Variants in OLFM1 observed in about 807,000 individuals in gnomAD.
OLFM1 encodes noelin.
OLFM1 carries 9 observed loss-of-function variants against 49.7 expected under a neutral mutation model. That is an observed-to-expected ratio of 0.18 (90% CI 0.11 to 0.32). The LOEUF (loss-of-function observed/expected upper bound fraction) is 0.32. Ranked by LOEUF, OLFM1 falls within the 10% of genes least tolerant of loss-of-function variation. The pLI, the probability that OLFM1 is intolerant of heterozygous loss-of-function variation, is 1.00. For synonymous variants in OLFM1, 240 were observed against 271.8 expected, an observed-to-expected ratio of 0.88 and a Z score of 1.15; for missense variants, 369 against 661.8, an observed-to-expected ratio of 0.56 and a Z score of 4.85.
intron 4 of OLFM1, among the ~76,000 whole-genome samples, chr9:135,099,040 G>T (rs1588213034): frequency 6.6e-6 from 1 of 152,282 alleles, no homozygotes; most frequent in South Asian, 2.1e-4. Flanking sequence ...CCCTTCCTCG[G>T]GTGTGTTTCC....
Position 135,087,999 on chromosome 9 carries a change from C to T in OLFM1, c.10C>T (p.Pro4Ser). The T allele has an allele frequency of 6.9e-7, 1 of 1,451,616 alleles. No homozygotes were observed. The highest frequency in any genetic ancestry group is 9.1e-7 in the Non-Finnish European group (1 of 1,093,162). 89.9% of individuals were successfully genotyped at this position (1,451,616 alleles called of 1,614,324 possible). A position where few individuals can be genotyped will look rare whatever the true frequency, so the allele number is the denominator to read the frequency against. Reference protein sequence around the residue: MSVPLLKIGVVLST... With the variant: MSVSLLKIGVVLST... ...GGCAGCTCGAGGCGCGATGTCGGTG[C>T]CGCTGCTCAAGATCGGGGTCGTGCT... The change falls in exon 1 of 6, where the codon CCG becomes TCG. Residue 4 changes from proline to serine, a missense_variant. Pro to Ser is a moderately conservative substitution (Grantham distance 74, BLOSUM62 -1). Transcript: ENST00000371793.
intron 5 of OLFM1, among the ~76,000 whole-genome samples, chr9:135,110,646 G>A (rs59397207): frequency 0.034 from 5,205 of 152,222 alleles, 209 homozygotes; most frequent in African/African-American, 0.099. Flanking sequence ...GCCCCTTCCA[G>A]TCACTTCTCA....
chr9:135,083,603 C>T (rs891111435), upstream of OLFM1, among the ~76,000 whole-genome samples: 2 of 152,164 alleles, frequency 1.3e-5, no homozygotes, highest in South Asian at 2.1e-4. Context: ...GGGGGAAGGA[C>T]GATACCTCGG....
Position 135,098,182 on chromosome 9 carries a change from C to G in OLFM1, c.457-104C>G. ...AGAACAAATAAGCCTGTAAATAAAG[C>G]GGGAATATACACACTTTCCCTCACC... On this transcript the variant is annotated intron_variant, in intron 3 of 5. Coordinates refer to ENST00000371793, the MANE Select transcript of OLFM1 (RefSeq NM_001282611.2). The surrounding 1 kb of genome is among the most constrained non-coding windows in gnomAD (Gnocchi z 5.6). 6.8e-7 allele frequency: 1 copy of G among 1,468,962 alleles called. No individual in the cohort carries two copies. The highest frequency in any genetic ancestry group is 9.1e-7 in the Non-Finnish European group (1 of 1,100,710). The allele number at this position is 1,468,962 out of a possible 1,614,324, so 91.0% of individuals were successfully genotyped here.
intron 2 of OLFM1, among the ~76,000 whole-genome samples, chr9:135,093,291 C>T (rs1830740548): frequency 1.3e-5 from 2 of 152,210 alleles, no homozygotes. Context: ...GCTCCGTTCT[C>T]TTTGAAGAAG....
chr9:135,101,185 G>A lies in OLFM1; in HGVS notation c.676+2680G>A, dbSNP rs563973997. On this transcript the variant is annotated intron_variant, in intron 4 of 5. Transcript: ENST00000371793. Reference sequence around the variant, plus strand: ...CAAGGTGGAGCCGGCACCCGCTGCCGGCCGTCCTGGGTGGTGAGGGCTTCT... The same window carrying A: ...CAAGGTGGAGCCGGCACCCGCTGCCAGCCGTCCTGGGTGGTGAGGGCTTCT... Among the ~76,000 whole-genome samples, 3 of 152,280 alleles carry A rather than the reference G, an allele frequency of 2.0e-5. No homozygotes were observed. The South Asian group carries it at 6.2e-4, about 32-fold the overall frequency.
chr9:135,107,005 C>G lies in OLFM1; in HGVS notation c.783+150C>G, dbSNP rs1002365528. The G allele has an allele frequency of 1.6e-4, 103 of 633,268 alleles. No individual in the cohort carries two copies. The East Asian group carries it at 2.7e-3, about 17-fold the overall frequency. 39.2% of individuals were successfully genotyped at this position (633,268 alleles called of 1,614,324 possible). ...CCTGGGGGCGTTTGTTCCTGGAAGA[C>G]TTTCGGGAGGGACCCAGGCCTCTAT... On this transcript the variant is annotated intron_variant, in intron 5 of 5. Transcript: ENST00000371793.
intron 3 of OLFM1, 68 bp downstream of exon 3, chr9:135,096,087 C>T: frequency 6.9e-7 from 1 of 1,446,494 alleles, no homozygotes; most frequent in Non-Finnish European, 9.4e-7. Context: ...TCCTTCCCCT[C>T]CCTCCTCTCC....
At chr9:135,097,017 A>G (rs1210001958) in intron 3 of OLFM1, among the ~76,000 whole-genome samples, 4 of 152,314 alleles carry the variant, frequency 2.6e-5, no homozygotes, top group Admixed American at 1.3e-4. Flanking sequence ...GAAGGTATAC[A>G]TGCATTTTAA....
chr9:135,077,138 A>G, intron 1 of OLFM1: 1 of 1,549,708 alleles, frequency 6.5e-7, no homozygotes, highest in Non-Finnish European at 8.7e-7. Flanking sequence ...GGACAGATGC[A>G]TTCATTCATG....
Position 135,087,910 on chromosome 9 carries a change from G to T in OLFM1, c.-80G>T. The T allele has an allele frequency of 8.3e-7, 1 of 1,198,882 alleles. No homozygotes were observed. Among genetic ancestry groups the T allele is most frequent in the Non-Finnish European group, 1.0e-6 (1 of 961,070 alleles). 74.3% of individuals were successfully genotyped at this position (1,198,882 alleles called of 1,614,324 possible). ...ACAGCCAGGCGCCCCTGCCCGCCGC[G>T]GTGCCCGCCGCCTGAAGGCCGCCTG... is the stretch of plus-strand genomic sequence containing the variant. On this transcript the variant is annotated 5_prime_UTR_variant, in exon 1 of 6. Coordinates refer to ENST00000371793, the MANE Select transcript of OLFM1 (RefSeq NM_001282611.2).
At chr9:135,079,971 G>A (rs576570289) in intron 1 of OLFM1, among the ~76,000 whole-genome samples, 1 of 152,210 alleles carries the variant, frequency 6.6e-6, no homozygotes, top group South Asian at 2.1e-4. Context: ...GCATTGAGAA[G>A]TGGGCAGACC....
At position 135,103,757 on chromosome 9, in the gene OLFM1, G is replaced by A. The variant is rs78978454; in HGVS notation, c.677-2992G>A. Among the ~76,000 whole-genome samples the A allele has an allele frequency of 2.5e-3, 386 of 152,318 alleles. 11 individuals carry two copies. The South Asian group carries it at 0.056, about 22-fold the overall frequency. On this transcript the variant is annotated intron_variant, in intron 4 of 5. Transcript: ENST00000371793. ...ATCCTCAGGCTGAATCCCCAGTGATGCCTCCTGACCTCTGTGGAGCTCTGA... is the reference window on the plus strand; with the variant it reads ...ATCCTCAGGCTGAATCCCCAGTGATACCTCCTGACCTCTGTGGAGCTCTGA...
At chr9:135,078,658 G>A (rs1041921204) in intron 1 of OLFM1, among the ~76,000 whole-genome samples, 13 of 152,332 alleles carry the variant, frequency 8.5e-5, no homozygotes, top group Admixed American at 2.0e-4. Flanking sequence ...CTGAGCTTCC[G>A]GGGCAGGGTC....
At position 135,120,203 on chromosome 9, in the gene OLFM1, C is replaced by T; in HGVS notation, c.*25C>T. ...GCTCCCTCCTCCTGGAAGCCAAGGGCCCACGTCCTCACCACAAAGGGACTC... is the reference window on the plus strand; with the variant it reads ...GCTCCCTCCTCCTGGAAGCCAAGGGTCCACGTCCTCACCACAAAGGGACTC... On this transcript the variant is annotated 3_prime_UTR_variant, in exon 6 of 6. Coordinates refer to ENST00000371793, the MANE Select transcript of OLFM1 (RefSeq NM_001282611.2). 6.3e-7 allele frequency: 1 copy of T among 1,577,596 alleles called. No individual in the cohort carries two copies.
intron 5 of OLFM1, among the ~76,000 whole-genome samples, chr9:135,116,704 G>A (rs926872202): frequency 4.6e-5 from 7 of 152,026 alleles, no homozygotes; most frequent in African/African-American, 1.7e-4. Context: ...TGTCTGATGA[G>A]ATAGCCAAGC....
chr9:135,098,545 C>T lies in OLFM1; in HGVS notation c.676+40C>T, dbSNP rs747479025. On this transcript the variant is annotated intron_variant, in intron 4 of 5. Transcript: ENST00000371793. The surrounding 1 kb of genome is among the most constrained non-coding windows in gnomAD (Gnocchi z 5.6). ...CTGCGGGACGTGGCGCTGCACTGCC[C>T]ACCTCCGGCACACGCACAGGCTTAG... 4 of 1,544,622 alleles carry T rather than the reference C, an allele frequency of 2.6e-6. No homozygotes were observed. Among genetic ancestry groups the T allele is most frequent in the Non-Finnish European group, 3.6e-6 (4 of 1,119,150 alleles).
At chr9:135,084,452 CTCTG>C (rs1205719569), upstream of OLFM1, among the ~76,000 whole-genome samples, 1 of 145,576 alleles carries the variant, frequency 6.9e-6, no homozygotes, top group Non-Finnish European at 1.5e-5. This position sits in a 1 kb window ranked among gnomAD's most constrained non-coding sequence, Gnocchi z 4.6. Flanking sequence ...TATCTCTCCT[CTCTG>C]TCTCTCTTCT....
intron 2 of OLFM1, among the ~76,000 whole-genome samples, chr9:135,095,467 T>C (rs984697789): frequency 6.7e-6 from 1 of 149,176 alleles, no homozygotes; most frequent in Non-Finnish European, 1.5e-5. Context: ...GCCTAACTAA[T>C]GTTGTCCTGC....
Sources: gnomAD v4.1 joint callset for allele counts (sites outside exome capture counted in the v4.1 genomes callset) on GRCh38, gnomAD v4.1.1 for gene constraint, Gnocchi (gnomAD v3.1) non-coding constraint, MANE v1.5 for transcripts, NCBI Gene and HGNC (gene_info 2026-07-23, HGNC 2026-07-21) for gene names.